KCNH8: variants seen among roughly 807,000 people sequenced by gnomAD.
The protein encoded by KCNH8 is potassium voltage-gated channel subfamily H member 8.
In KCNH8, 70 loss-of-function variants were observed where a neutral mutation model predicts 103.6. That is an observed-to-expected ratio of 0.68 (90% CI 0.56 to 0.82). KCNH8 has a LOEUF of 0.82. KCNH8 is among the 40% of genes least tolerant of loss of function. The pLI, the probability that KCNH8 is intolerant of heterozygous loss-of-function variation, is 0.00. For missense variants in KCNH8, 1,217 were observed against 1,329.9 expected, an observed-to-expected ratio of 0.92 and a Z score of 1.32; for synonymous variants, 498 against 489.4, an observed-to-expected ratio of 1.02 and a Z score of -0.23.
intron 1 of KCNH8, among the ~76,000 whole-genome samples, chr3:19,201,906 T>G (rs1403349760): frequency 6.6e-6 from 1 of 152,218 alleles, no homozygotes; most frequent in African/African-American, 2.4e-5. Context: ...AACCATTAGA[T>G]GTTAATTTCT....
intron 7 of KCNH8, among the ~76,000 whole-genome samples, chr3:19,424,030 A>AG (rs1307171175): frequency 7.9e-5 from 12 of 152,242 alleles, no homozygotes; most frequent in African/African-American, 2.9e-4. Flanking sequence ...AAATGACCAT[A>AG]TTGCCAAAGG....
chr3:19,450,372 C>G, intron 9 of KCNH8, 67 bp downstream of exon 9: 1 of 1,225,026 alleles, frequency 8.2e-7, no homozygotes, highest in Non-Finnish European at 1.2e-6. Context: ...GCAAGATGTT[C>G]TAATGCAGGT....
intron 7 of KCNH8, among the ~76,000 whole-genome samples, chr3:19,435,477 G>A: frequency 6.6e-6 from 1 of 152,134 alleles, no homozygotes; most frequent in African/African-American, 2.4e-5. Flanking sequence ...AGAGTATCTA[G>A]AGCACAGGTA....
At chr3:19,261,167 AC>A (rs1261770078) in intron 2 of KCNH8, among the ~76,000 whole-genome samples, 1 of 150,844 alleles carries the variant, frequency 6.6e-6, no homozygotes, top group East Asian at 2.0e-4. Context: ...TTATTTAGGA[AC>A]CCCCATACTG....
chr3:19,305,444 G>A (rs761074235), intron 3 of KCNH8, among the ~76,000 whole-genome samples: 1 of 152,048 alleles, frequency 6.6e-6, no homozygotes. Flanking sequence ...GTACTATATG[G>A]TACTGCTGGA....
intron 7 of KCNH8, among the ~76,000 whole-genome samples, chr3:19,419,424 T>C (rs900557253): frequency 1.6e-4 from 24 of 151,542 alleles, no homozygotes; most frequent in Non-Finnish European, 2.4e-4. Flanking sequence ...ATGGTCTCGA[T>C]CTCCTGACCT....
intron 5 of KCNH8, among the ~76,000 whole-genome samples, chr3:19,367,786 A>G (rs2066033703): frequency 1.3e-5 from 2 of 151,958 alleles, no homozygotes; most frequent in Non-Finnish European, 2.9e-5. Context: ...AGAGTTGCTA[A>G]TTCTTAACAA....
At chr3:19,411,668 A>T (rs778050927) in intron 7 of KCNH8, among the ~76,000 whole-genome samples, 77 of 152,012 alleles carry the variant, frequency 5.1e-4, no homozygotes, top group Non-Finnish European at 9.1e-4. Flanking sequence ...AAATTTCAGG[A>T]TAGAAAATCA....
intron 3 of KCNH8, among the ~76,000 whole-genome samples, chr3:19,306,112 A>G (rs2065126717): frequency 6.6e-6 from 1 of 152,104 alleles, no homozygotes; most frequent in South Asian, 2.1e-4. Flanking sequence ...TGGACAAGTT[A>G]TGCCGCATGC....
chr3:19,170,631 T>C (rs1046796587), intron 1 of KCNH8, among the ~76,000 whole-genome samples: 16 of 140,346 alleles, frequency 1.1e-4, no homozygotes, highest in South Asian at 2.2e-4. Flanking sequence ...CATATATATA[T>C]ACACACATAT....
intron 1 of KCNH8, among the ~76,000 whole-genome samples, chr3:19,244,275 A>G (rs1032047855): frequency 2.6e-5 from 4 of 152,158 alleles, no homozygotes; most frequent in East Asian, 1.9e-4. Context: ...GGGGGAAGCT[A>G]TGGCAAAGAA....
At chr3:19,267,098 C>A (rs2064523095) in intron 2 of KCNH8, among the ~76,000 whole-genome samples, 1 of 152,052 alleles carries the variant, frequency 6.6e-6, no homozygotes, top group Non-Finnish European at 1.5e-5. Flanking sequence ...TGCCTCAGTC[C>A]TGTCTGTCAC....
At position 19,456,800 on chromosome 3, in the gene KCNH8, A is replaced by G. The variant is rs531892462; in HGVS notation, c.1858A>G (p.Ile620Val). 5.0e-6 allele frequency: 8 copies of G among 1,611,678 alleles called. No homozygotes were observed. Among genetic ancestry groups the G allele is most frequent in the African/African-American group, 4.0e-5 (3 of 74,860 alleles). Reference sequence around the variant, plus strand: ...GGATTTAATTGGAGCAAATCTATCAATTAAGGACCAAGTGATCAAGACCAA... The same window carrying G: ...GGATTTAATTGGAGCAAATCTATCAGTTAAGGACCAAGTGATCAAGACCAA... Reference protein sequence around the residue: ...KGDLIGANLSIKDQVIKTNAD... With the variant: ...KGDLIGANLSVKDQVIKTNAD... Residue 620 changes from isoleucine to valine, a missense_variant, in exon 11 of 16, where the codon ATT becomes GTT. Physicochemically the swap from Ile to Val is conservative, Grantham distance 29. This residue lies in a region of KCNH8 where 415 missense variants were observed against 577.4 expected (regional missense o/e 0.72). Coordinates refer to ENST00000328405, the MANE Select transcript of KCNH8 (RefSeq NM_144633.3).
chr3:19,181,310 A>G (rs1472358242), intron 1 of KCNH8, among the ~76,000 whole-genome samples: 2 of 151,966 alleles, frequency 1.3e-5, no homozygotes, highest in Non-Finnish European at 2.9e-5. Flanking sequence ...ATTTCATTTC[A>G]CTCCAGAAGT....
At position 19,421,346 on chromosome 3, in the gene KCNH8, G is replaced by T. The variant is rs1417179351; in HGVS notation, c.1178-16818G>T. On this transcript the variant is annotated intron_variant, in intron 7 of 15. Coordinates refer to ENST00000328405, the MANE Select transcript of KCNH8 (RefSeq NM_144633.3). The stretch of plus-strand genomic sequence containing the variant: ...GAACCTCCCATTTTAAGATGTTTTT[G>T]TCTTCACTGTCTTGATCCCTAAGGA... Among the ~76,000 whole-genome samples the T allele has an allele frequency of 2.6e-5, 4 of 152,012 alleles. No homozygotes were observed. The East Asian group carries it at 7.7e-4, about 29-fold the overall frequency.
intron 11 of KCNH8, among the ~76,000 whole-genome samples, chr3:19,503,618 G>A (rs1476315291): frequency 2.0e-5 from 3 of 152,030 alleles, no homozygotes; most frequent in Non-Finnish European, 2.9e-5. Flanking sequence ...ATGAGTTCAC[G>A]TCCTTTGTAG....
chr3:19,345,758 T>C (rs549240922), intron 4 of KCNH8, among the ~76,000 whole-genome samples: 1 of 152,062 alleles, frequency 6.6e-6, no homozygotes, highest in Non-Finnish European at 1.5e-5. Context: ...GTTTGCAGGA[T>C]TTGAGTTAAC....
chr3:19,238,729 C>T (rs1371637226), intron 1 of KCNH8, among the ~76,000 whole-genome samples: 2 of 152,150 alleles, frequency 1.3e-5, no homozygotes, highest in African/African-American at 2.4e-5. Context: ...CATATGTTGG[C>T]ATATGTTTAT....
At chr3:19,367,396 A>G (rs112475255) in intron 5 of KCNH8, among the ~76,000 whole-genome samples, 19 of 146,616 alleles carry the variant, frequency 1.3e-4, no homozygotes, top group Non-Finnish European at 2.5e-4. Context: ...CTCTCTCTCT[A>G]TATATATATT....
Sources: gnomAD v4.1 joint callset for allele counts (sites outside exome capture counted in the v4.1 genomes callset) on GRCh38, gnomAD v4.1.1 for gene constraint, gnomAD v4.1.1 regional missense constraint, MANE v1.5 for transcripts, NCBI Gene and HGNC (gene_info 2026-07-23, HGNC 2026-07-21) for gene names.